ATAD1: variants seen among roughly 807,000 people sequenced by gnomAD.
The protein encoded by ATAD1 is ATPase family AAA domain containing 1, also known as outer mitochondrial transmembrane helix translocase.
In ATAD1, 18 loss-of-function variants were observed where a neutral mutation model predicts 42.7. The ratio of observed to expected loss-of-function variants is 0.42; its 90% CI spans 0.29 to 0.63. The LOEUF is 0.63. Ranked by LOEUF, ATAD1 falls within the 20% of genes least tolerant of loss-of-function variation. The pLI is 0.19. For missense variants in ATAD1, 294 were observed against 440.4 expected (o/e 0.67, Z 2.98); for synonymous variants, 132 against 143.1 (o/e 0.92, Z 0.55).
At chr10:87,782,643 C>T (rs1033609636) in intron 5 of ATAD1, among the ~76,000 whole-genome samples, 4 of 152,028 alleles carry the variant, frequency 2.6e-5, no homozygotes, top group Non-Finnish European at 5.9e-5. Flanking sequence ...AACTTCTAAA[C>T]CTGTAGCAAG....
At chr10:87,799,566 T>A (rs2131985587) in intron 2 of ATAD1, among the ~76,000 whole-genome samples, 1 of 152,098 alleles carries the variant, frequency 6.6e-6, no homozygotes, top group South Asian at 2.1e-4. Flanking sequence ...ATGGGGTGAG[T>A]TAGGTCAGAT....
chr10:87,777,108 T>C (rs1477778163), intron 5 of ATAD1, among the ~76,000 whole-genome samples: 1 of 152,190 alleles, frequency 6.6e-6, no homozygotes, highest in East Asian at 1.9e-4. Flanking sequence ...AATACATTCA[T>C]GACAACATAT....
At chr10:87,793,065 T>C (rs1410444862) in intron 2 of ATAD1, among the ~76,000 whole-genome samples, 1 of 152,198 alleles carries the variant, frequency 6.6e-6, no homozygotes, top group Non-Finnish European at 1.5e-5. Context: ...AGGATACAGC[T>C]TAGTTTCTCA....
At chr10:87,829,383 G>A (rs377143263) in intron 1 of ATAD1, among the ~76,000 whole-genome samples, 76 of 151,988 alleles carry the variant, frequency 5.0e-4, no homozygotes, top group African/African-American at 1.7e-3. Flanking sequence ...AGCCTCCTGA[G>A]TAGTTGGGAC....
intron 1 of ATAD1, 21 bp downstream of exon 1, chr10:87,818,146 C>T: frequency 1.0e-6 from 1 of 985,610 alleles, no homozygotes; most frequent in Non-Finnish European, 1.2e-6. Flanking sequence ...CCATGAGGCC[C>T]CACGGGAACC....
chr10:87,831,567 C>G (rs1857829714), intron 1 of ATAD1, among the ~76,000 whole-genome samples: 1 of 152,150 alleles, frequency 6.6e-6, no homozygotes, highest in African/African-American at 2.4e-5. Flanking sequence ...ATTTGTTGTT[C>G]ATAAAGCCTA....
upstream of ATAD1, among the ~76,000 whole-genome samples, chr10:87,822,452 TA>T (rs965892269): frequency 1.4e-4 from 22 of 152,240 alleles, no homozygotes; most frequent in African/African-American, 5.1e-4. Context: ...TTCAGCCATT[TA>T]AAAAAATGAG....
intron 2 of ATAD1, among the ~76,000 whole-genome samples, chr10:87,805,343 C>T (rs976602108): frequency 3.9e-5 from 6 of 152,154 alleles, no homozygotes; most frequent in Admixed American, 3.9e-4. Context: ...ATGATGTGCT[C>T]CTGAGAAATC....
chr10:87,805,376 T>A (rs1856875761), intron 2 of ATAD1, among the ~76,000 whole-genome samples: 1 of 152,206 alleles, frequency 6.6e-6, no homozygotes, highest in Non-Finnish European at 1.5e-5. Context: ...GTTATACCAG[T>A]CAGCTCCATC....
chr10:87,757,274 C>CAAAA (rs59618486), intron 8 of ATAD1, among the ~76,000 whole-genome samples: 2 of 122,552 alleles, frequency 1.6e-5, no homozygotes, highest in Non-Finnish European at 3.5e-5. Flanking sequence ...GAGTCCATTA[C>CAAAA]AAAAAAAAAA....
chr10:87,795,255 A>C (rs1396625259), intron 2 of ATAD1, among the ~76,000 whole-genome samples: 1 of 152,170 alleles, frequency 6.6e-6, no homozygotes, highest in Non-Finnish European at 1.5e-5. Context: ...AATGGAACAC[A>C]CCAAAAAACA....
At chr10:87,758,982 C>G (rs1044473189) in intron 8 of ATAD1, among the ~76,000 whole-genome samples, 1 of 152,022 alleles carries the variant, frequency 6.6e-6, no homozygotes, top group Non-Finnish European at 1.5e-5. Context: ...AGATCTTAGT[C>G]CTTTGATGGT....
In ATAD1 at chr10:87,754,572, C is replaced by T; in HGVS notation, c.*115G>A. ...ATAACTTAGAATTCAGAGTATAAAA[C>T]CATAAACACTGAGCTCCCTCATTGT... On this transcript the variant is annotated 3_prime_UTR_variant, in exon 10 of 10. Transcript: ENST00000680024. 1 of 1,250,818 alleles carries T rather than the reference C, an allele frequency of 8.0e-7. No individual in the cohort carries two copies. Among genetic ancestry groups the T allele is most frequent in the East Asian group, 2.4e-5 (1 of 40,880 alleles). 77.5% of individuals were successfully genotyped at this position (1,250,818 alleles called of 1,614,324 possible).
rs1462570011 is a variant in ATAD1 at position 87,827,472 on chromosome 10, A to AT, written c.-13-12861dup. Among the ~76,000 whole-genome samples, 12 of 152,192 alleles carry AT rather than the reference A, an allele frequency of 7.9e-5. No individual in the cohort carries two copies. In the South Asian group the frequency reaches 8.3e-4, roughly 11 times the overall value. On this transcript the variant is annotated intron_variant, in intron 1 of 4. Transcript: ENST00000495903. ...TGCATCTAGCTAGTGTGTCAGTGCC[A>AT]TTTTTCCAACAGCATGTACTCACTT...
chr10:87,772,551 C>T (rs1291890092), intron 6 of ATAD1, among the ~76,000 whole-genome samples: 1 of 151,938 alleles, frequency 6.6e-6, no homozygotes, highest in Non-Finnish European at 1.5e-5. Context: ...AAAAACATCA[C>T]AAAAGACACT....
At chr10:87,800,459 A>C (rs1158970003) in intron 2 of ATAD1, among the ~76,000 whole-genome samples, 2 of 152,096 alleles carry the variant, frequency 1.3e-5, no homozygotes, top group African/African-American at 4.8e-5. Context: ...TGAATATCCA[A>C]AGGAAATGTT....
At position 87,751,676 on chromosome 10, in the gene ATAD1, A is replaced by T. The variant is rs1378802758; in HGVS notation, c.*3011T>A. On this transcript the variant is annotated 3_prime_UTR_variant, in exon 10 of 10. Transcript: ENST00000680024. ...ATCTTTGATAACTAAATCTATAACA[A>T]ATTTAATAATGAAGGCTCTGAAAGA... 1 of 152,200 alleles carries T rather than the reference A, an allele frequency of 6.6e-6. No individual in the cohort carries two copies. Among genetic ancestry groups the T allele is most frequent in the African/African-American group, 2.4e-5 (1 of 41,462 alleles). The allele number at this position is 152,200 out of a possible 1,614,324, so 9.4% of individuals were successfully genotyped here.
At position 87,818,176 on chromosome 10, in the gene ATAD1, G is replaced by A; in HGVS notation, c.-23C>T. The stretch of plus-strand genomic sequence containing the variant: ...GGAACCAGCTACTCACCCAGGGGCA[G>A]AAACAGCAAGAGCAAGTGCCCTCAG... On this transcript the variant is annotated 5_prime_UTR_variant, in exon 1 of 10. Transcript: ENST00000680024. 1.0e-6 allele frequency: 1 copy of A among 985,668 alleles called. No homozygotes were observed. The highest frequency in any genetic ancestry group is 1.2e-6 in the Non-Finnish European group (1 of 830,084). The allele number at this position is 985,668 out of a possible 1,614,324, so 61.1% of individuals were successfully genotyped here. A position where few individuals can be genotyped will look rare whatever the true frequency, so the allele number is the denominator to read the frequency against.
chr10:87,787,132 T>A (rs1248581454), intron 4 of ATAD1, among the ~76,000 whole-genome samples: 1 of 152,222 alleles, frequency 6.6e-6, no homozygotes, highest in Non-Finnish European at 1.5e-5. Context: ...GTGAGGCATT[T>A]AGCTTTTATT....
Sources: gnomAD v4.1 joint callset for allele counts (sites outside exome capture counted in the v4.1 genomes callset) on GRCh38, gnomAD v4.1.1 for gene constraint, MANE v1.5 for transcripts, NCBI Gene and HGNC (gene_info 2026-07-23, HGNC 2026-07-21) for gene names.